Variants in NAV2 observed in about 807,000 individuals in gnomAD.
The protein encoded by NAV2 is neuron navigator 2.
NAV2 carries 54 observed loss-of-function variants against 223.2 expected under a neutral mutation model. The observed-to-expected ratio is 0.24, with a 90% CI of 0.19 to 0.30. The LOEUF is 0.30. Ranked by LOEUF, NAV2 falls within the 10% of genes least tolerant of loss-of-function variation. The pLI, the probability that NAV2 is intolerant of heterozygous loss-of-function variation, is 1.00. For synonymous variants in NAV2, 1,279 were observed against 1,239.3 expected, an observed-to-expected ratio of 1.03 and a Z score of -0.67; for missense variants, 2,806 against 3,147.5, an observed-to-expected ratio of 0.89 and a Z score of 2.60.
At chr11:19,440,422 T>A (rs1360558032) in intron 1 of NAV2, among the ~76,000 whole-genome samples, 1 of 151,972 alleles carries the variant, frequency 6.6e-6, no homozygotes, top group Non-Finnish European at 1.5e-5. Flanking sequence ...TGTACAAGGG[T>A]GTAACTAGTA....
chr11:19,951,999 T>G (rs2047436613), intron 10 of NAV2, among the ~76,000 whole-genome samples: 1 of 152,192 alleles, frequency 6.6e-6, no homozygotes, highest in African/African-American at 2.4e-5. Flanking sequence ...TCCTTCTAGT[T>G]GTAGCATTCT....
At chr11:19,623,459 C>A (rs1204500933) in intron 1 of NAV2, among the ~76,000 whole-genome samples, 1 of 152,112 alleles carries the variant, frequency 6.6e-6, no homozygotes, top group Non-Finnish European at 1.5e-5. Context: ...AGGCTTTGTT[C>A]CCTTCTTTTT....
chr11:19,791,839 C>T (rs2057542545), intron 1 of NAV2, among the ~76,000 whole-genome samples: 1 of 152,206 alleles, frequency 6.6e-6, no homozygotes, highest in East Asian at 1.9e-4. Context: ...GCCTCATTCA[C>T]TCCGCTGTAG....
intron 11 of NAV2, among the ~76,000 whole-genome samples, chr11:19,986,268 GACA>G (rs1228325101): frequency 1.3e-5 from 2 of 152,168 alleles, no homozygotes; most frequent in African/African-American, 4.8e-5. Flanking sequence ...AAACCAAATG[GACA>G]ACAATGTCCT....
intron 1 of NAV2, among the ~76,000 whole-genome samples, chr11:19,683,849 G>A (rs1031505074): frequency 3.3e-5 from 5 of 152,152 alleles, no homozygotes; most frequent in African/African-American, 1.2e-4. Context: ...ATATTAAATT[G>A]TATCTTCAAC....
intron 11 of NAV2, among the ~76,000 whole-genome samples, chr11:20,008,277 G>C (rs983623264): frequency 2.6e-5 from 4 of 152,126 alleles, no homozygotes; most frequent in African/African-American, 9.7e-5. Flanking sequence ...TGAGGCAGGA[G>C]AATCCATGAG....
intron 1 of NAV2, among the ~76,000 whole-genome samples, chr11:19,635,540 T>C (rs1337887736): frequency 6.6e-6 from 1 of 152,182 alleles, no homozygotes; most frequent in Non-Finnish European, 1.5e-5. Context: ...GGCAGCTGCA[T>C]CTGGTAAGGG....
rs867051488 is a variant in NAV2 at position 19,690,641 on chromosome 11, A to G, written c.76-141843A>G. Among the ~76,000 whole-genome samples the G allele has an allele frequency of 4.6e-5, 7 of 152,354 alleles. No homozygotes were observed. The South Asian group carries it at 1.2e-3, about 27-fold the overall frequency. On this transcript the variant is annotated intron_variant, in intron 1 of 37. Transcript: ENST00000360655. Reference sequence around the variant, plus strand: ...GACACATGTGTTGGTTCCCCACCATATGTGAATAGGACTGATGCAAAAGCC... The same window carrying G: ...GACACATGTGTTGGTTCCCCACCATGTGTGAATAGGACTGATGCAAAAGCC...
chr11:19,501,583 C>T (rs1174621258), intron 1 of NAV2, among the ~76,000 whole-genome samples: 1 of 152,004 alleles, frequency 6.6e-6, no homozygotes, highest in Non-Finnish European at 1.5e-5. Context: ...GAGCCCAAAA[C>T]ATTTTATATT....
intron 1 of NAV2, among the ~76,000 whole-genome samples, chr11:19,486,655 AC>A (rs1415524134): frequency 1.3e-5 from 2 of 152,132 alleles, no homozygotes; most frequent in African/African-American, 4.8e-5. Flanking sequence ...GCCTCCCCAA[AC>A]ATGTGGAACT....
At position 19,948,754 on chromosome 11, in the gene NAV2, C is replaced by T. The variant is rs143426925; in HGVS notation, c.2319C>T (p.Ser773=). ...AGATGAGTGGCCGTAGCATACTCAGCTTGACAGGGAGGCCCACACCTCTGT... is the reference window on the plus strand; with the variant it reads ...AGATGAGTGGCCGTAGCATACTCAGTTTGACAGGGAGGCCCACACCTCTGT... The part of the protein sequence containing the change: ...TTEMSGRSIL[S]LTGRPTPLSW... Residue 773 remains serine, a synonymous_variant, in exon 10 of 38, where the codon AGC becomes AGT. Transcript: ENST00000349880. 4.7e-4 allele frequency: 759 copies of T among 1,611,918 alleles called. 2 individuals carry two copies. The highest frequency in any genetic ancestry group is 2.5e-3 in the Middle Eastern group (15 of 6,050).
chr11:19,455,273 G>A (rs1851922019), intron 1 of NAV2, among the ~76,000 whole-genome samples: 1 of 152,130 alleles, frequency 6.6e-6, no homozygotes, highest in African/African-American at 2.4e-5. Flanking sequence ...AAATGTTTAT[G>A]GCTGCTATGT....
intron 10 of NAV2, among the ~76,000 whole-genome samples, chr11:19,953,220 C>T (rs2047542242): frequency 6.6e-6 from 1 of 152,018 alleles, no homozygotes; most frequent in Admixed American, 6.6e-5. Flanking sequence ...AAAAAAATGA[C>T]CCTTTAAATA....
chr11:19,578,198 G>A (rs1051880051), intron 1 of NAV2, among the ~76,000 whole-genome samples: 6 of 152,160 alleles, frequency 3.9e-5, no homozygotes, highest in Admixed American at 6.5e-5. Flanking sequence ...TGCCTCCTCC[G>A]GCTCTGCCTG....
intron 1 of NAV2, among the ~76,000 whole-genome samples, chr11:19,788,438 C>T (rs1036650890): frequency 1.3e-5 from 2 of 152,290 alleles, no homozygotes; most frequent in African/African-American, 4.8e-5. Context: ...CAAATGCTTC[C>T]GTTTGAGCCT....
intron 1 of NAV2, among the ~76,000 whole-genome samples, chr11:19,580,978 A>G (rs959331683): frequency 6.6e-6 from 1 of 152,240 alleles, no homozygotes; most frequent in African/African-American, 2.4e-5. Context: ...GATGAATACA[A>G]AATAGCATTT....
intron 24 of NAV2, among the ~76,000 whole-genome samples, chr11:20,079,100 G>T (rs1033535281): frequency 6.6e-6 from 1 of 152,092 alleles, no homozygotes. Context: ...GAGTGCACTG[G>T]CATGATCTCC....
intron 22 of NAV2, among the ~76,000 whole-genome samples, chr11:20,077,043 A>G (rs1282689583): frequency 6.6e-6 from 1 of 152,202 alleles, no homozygotes; most frequent in Non-Finnish European, 1.5e-5. Flanking sequence ...TTCTACTAAC[A>G]TGCTTAATAT....
intron 10 of NAV2, among the ~76,000 whole-genome samples, chr11:19,965,182 T>A (rs937669909): frequency 6.6e-6 from 1 of 152,058 alleles, no homozygotes; most frequent in African/African-American, 2.4e-5. Flanking sequence ...GACACAGGGA[T>A]TTGGGGGGGC....
Sources: allele counts gnomAD v4.1 joint callset (sites outside exome capture counted in the v4.1 genomes callset), GRCh38; gene constraint gnomAD v4.1.1; transcripts MANE v1.5; gene names NCBI Gene and HGNC (gene_info 2026-07-23, HGNC 2026-07-21).